PRRT4: variants seen among roughly 807,000 people sequenced by gnomAD.
PRRT4 encodes proline-rich transmembrane protein 4.
A neutral mutation model predicts 55.6 loss-of-function variants in PRRT4; 59 were observed. The ratio of observed to expected loss-of-function variants is 1.06; its 90% CI spans 0.86 to 1.32. The LOEUF (loss-of-function observed/expected upper bound fraction) is 1.32, where lower values mean the gene tolerates loss of function less well. PRRT4 is among the 40% of genes most tolerant of loss of function. The probability of loss-of-function intolerance (pLI) is 0.00; values close to 1 mark genes in which losing one functional copy is unlikely to be tolerated. For missense variants in PRRT4, 1,217 were observed against 1,222.0 expected, an observed-to-expected ratio of 1.00 and a Z score of 0.06; for synonymous variants, 606 against 601.8, an observed-to-expected ratio of 1.01 and a Z score of -0.10.
intron 4 of PRRT4, among the ~76,000 whole-genome samples, chr7:128,353,761 G>A (rs994241123): frequency 5.9e-5 from 9 of 152,210 alleles, no homozygotes; most frequent in Non-Finnish European, 1.2e-4. Flanking sequence ...ACATCATAGT[G>A]GGATAAAATG....
intron 4 of PRRT4, among the ~76,000 whole-genome samples, chr7:128,355,150 T>C (rs1482375417): frequency 6.6e-6 from 1 of 152,206 alleles, no homozygotes; most frequent in Non-Finnish European, 1.5e-5. Flanking sequence ...CAACACATTG[T>C]CTCACTTTAT....
chr7:128,351,273 G>C lies in PRRT4; in HGVS notation c.2283C>G (p.Leu761=), dbSNP rs577469431. Reference sequence around the variant, plus strand: ...CGGTCCCCAGCGAGGCGGTGCGGTAGAGTCCGAGCCCAGGCAGAGCGTCCT... The same window carrying C: ...CGGTCCCCAGCGAGGCGGTGCGGTACAGTCCGAGCCCAGGCAGAGCGTCCT... The change falls in exon 5 of 5, where the codon CTC becomes CTG. Residue 761 remains leucine (L), a synonymous_variant. Coordinates refer to ENST00000535159, the Ensembl canonical transcript of PRRT4. The C allele has an allele frequency of 2.7e-5, 41 of 1,540,732 alleles. No individual in the cohort carries two copies. The Admixed American group carries it at 5.5e-4, about 21-fold the overall frequency.
At chr7:128,360,702 C>G (rs1231844902) in intron 1 of PRRT4, among the ~76,000 whole-genome samples, 3 of 152,162 alleles carry the variant, frequency 2.0e-5, no homozygotes, top group African/African-American at 7.2e-5. Context: ...GGCCTGTTCC[C>G]TTCCCTAGGA....
intron 1 of PRRT4, among the ~76,000 whole-genome samples, 163 bp downstream of exon 2, chr7:128,361,143 C>T (rs116864417): frequency 0.035 from 5,046 of 144,112 alleles, 132 homozygotes; most frequent in Middle Eastern, 0.085. Flanking sequence ...ACACACACGG[C>T]ATGTACTGTA....
chr7:128,357,970 C>T (rs552193860), intron 4 of PRRT4, among the ~76,000 whole-genome samples: 54 of 152,296 alleles, frequency 3.5e-4, no homozygotes, highest in Admixed American at 5.9e-4. Flanking sequence ...ATTTAATGAG[C>T]CTCTACTTTG....
At chr7:128,352,059 G>A (rs951616458) in exon 5 of PRRT4, 6 of 1,221,150 alleles carry the variant, frequency 4.9e-6, no homozygotes, top group East Asian at 3.6e-5. Context: ...CGTGCAGCCC[G>A]CGCGAGGCGA....
At chr7:128,351,496 A>C (rs1238466722) in exon 5 of PRRT4, 1 of 1,515,464 alleles carries the variant, frequency 6.6e-7, no homozygotes, top group South Asian at 1.2e-5. Context: ...CTGGAGTAGG[A>C]GGTCTGGGCC....
At position 128,351,141 on chromosome 7, in the gene PRRT4, C is replaced by G. The variant is rs193184076; in HGVS notation, c.2415G>C (p.Ser805=). ...AGCTGTCCCGCGAGAGTCCGCAGAA[C>G]GAGCCAGATGAGACGCTGCTGCCTG... Residue 805 remains serine, a synonymous_variant, in exon 5 of 5, where the codon TCG becomes TCC. Coordinates refer to ENST00000535159, the Ensembl canonical transcript of PRRT4. The G allele has an allele frequency of 9.0e-6, 14 of 1,547,406 alleles. 1 individual carries two copies. The South Asian group carries it at 1.4e-4, about 16-fold the overall frequency.
At chr7:128,360,009 G>A in exon 2 of PRRT4, 1 of 1,303,080 alleles carries the variant, frequency 7.7e-7, no homozygotes, top group Non-Finnish European at 9.8e-7. Flanking sequence ...CCTGGCTTCG[G>A]GTGGCCTTGG....
intron 1 of PRRT4, among the ~76,000 whole-genome samples, chr7:128,360,844 T>A (rs1316846133): frequency 1.3e-5 from 2 of 152,058 alleles, no homozygotes; most frequent in African/African-American, 2.4e-5. Context: ...CTCTCTCCTC[T>A]GTGCGCACAC....
chr7:128,351,697 A>G, exon 5 of PRRT4: 1 of 1,500,488 alleles, frequency 6.7e-7, no homozygotes, highest in Non-Finnish European at 8.8e-7. Flanking sequence ...CGCCGGGTAG[A>G]GGCCCAGCAG....
chr7:128,351,974 C>T (rs1796989899), exon 5 of PRRT4: 2 of 1,298,464 alleles, frequency 1.5e-6, no homozygotes, highest in Non-Finnish European at 9.8e-7. Context: ...CCCAGGGGCG[C>T]CCCGGCCCGC....
At chr7:128,357,065 T>C (rs78435386) in intron 4 of PRRT4, among the ~76,000 whole-genome samples, 4,557 of 152,268 alleles carry the variant, frequency 0.03, 119 homozygotes, top group Non-Finnish European at 0.042. Context: ...CTGGTATGTA[T>C]GGACTGAATA....
intron 4 of PRRT4, among the ~76,000 whole-genome samples, chr7:128,357,211 C>T (rs1424753352): frequency 8.8e-6 from 1 of 113,388 alleles, no homozygotes; most frequent in Admixed American, 8.6e-5. Context: ...GATACAAATA[C>T]ACACACACAC....
At chr7:128,353,035 TC>T (rs200283616) in intron 4 of PRRT4, among the ~76,000 whole-genome samples, 1 of 151,920 alleles carries the variant, frequency 6.6e-6, no homozygotes, top group South Asian at 2.1e-4. Context: ...TCCAGTTCAA[TC>T]CCCCCACCAG....
In PRRT4 at chr7:128,357,489, C is replaced by G. The variant is rs531526191; in HGVS notation, c.877+1192G>C. Among the ~76,000 whole-genome samples, 59 of 152,252 alleles carry G rather than the reference C, an allele frequency of 3.9e-4. 1 individual carries two copies. The East Asian group carries it at 0.011, about 29-fold the overall frequency. ...GTCACCAAGGCCGACAGACTGCCAGCCAGCATCCTTCCCCTGAGGCACAGA... is the reference window on the plus strand; with the variant it reads ...GTCACCAAGGCCGACAGACTGCCAGGCAGCATCCTTCCCCTGAGGCACAGA... On this transcript the variant is annotated intron_variant, in intron 4 of 4. Transcript: ENST00000535159.
exon 5 of PRRT4, chr7:128,351,187 G>A: frequency 6.5e-7 from 1 of 1,542,822 alleles, no homozygotes; most frequent in Non-Finnish European, 8.7e-7. Flanking sequence ...CCCAGGGGAG[G>A]GGAGCTCCGG....
In PRRT4 at chr7:128,358,475, G is replaced by A. The variant is rs1204368190; in HGVS notation, c.877+206C>T. Among the ~76,000 whole-genome samples the A allele has an allele frequency of 6.6e-6, 1 of 152,116 alleles. No individual in the cohort carries two copies. On this transcript the variant is annotated intron_variant, in intron 4 of 4. Coordinates refer to ENST00000535159, the Ensembl canonical transcript of PRRT4. This position sits in a 1 kb window ranked among gnomAD's most constrained non-coding sequence, Gnocchi z 4.4. ...GCCTCTCATTGCAAAACACTCAGGG[G>A]ACCATTACTTAACTCTGTGTGGGAC...
intron 4 of PRRT4, among the ~76,000 whole-genome samples, chr7:128,356,713 A>G (rs1797118743): frequency 6.6e-6 from 1 of 152,240 alleles, no homozygotes; most frequent in South Asian, 2.1e-4. Flanking sequence ...GTGGGAGGGA[A>G]CAGTTTGATT....
Sources: allele counts gnomAD v4.1 joint callset (sites outside exome capture counted in the v4.1 genomes callset), GRCh38; gene constraint gnomAD v4.1.1; non-coding constraint Gnocchi (gnomAD v3.1); transcripts MANE v1.5; gene names NCBI Gene and HGNC (gene_info 2026-07-23, HGNC 2026-07-21).